MCTP2: variants seen among roughly 807,000 people sequenced by gnomAD.
The protein encoded by MCTP2 is multiple C2 and transmembrane domain containing 2, also known as multiple C2 and transmembrane domain-containing protein 2.
In MCTP2, 132 loss-of-function variants were observed where a neutral mutation model predicts 111.6. The observed-to-expected ratio is 1.18, with a 90% CI of 1.03 to 1.37. The LOEUF is 1.37. Ranked by LOEUF, MCTP2 falls within the 40% of genes most tolerant of loss-of-function variation. The probability of loss-of-function intolerance (pLI) is 0.00; values close to 1 mark genes in which losing one functional copy is unlikely to be tolerated. For synonymous variants in MCTP2, 395 were observed against 387.7 expected, an observed-to-expected ratio of 1.02 and a Z score of -0.22; for missense variants, 1,183 against 1,067.9, an observed-to-expected ratio of 1.11 and a Z score of -1.50.
intron 1 of MCTP2, among the ~76,000 whole-genome samples, chr15:94,291,238 T>C (rs892215990): frequency 3.9e-5 from 6 of 152,188 alleles, no homozygotes; most frequent in African/African-American, 1.4e-4. Flanking sequence ...AATCTTCAGA[T>C]ACTTAGAAAT....
Position 94,310,022 on chromosome 15 carries a change from T to G in MCTP2, c.466-4260T>G, listed in dbSNP as rs1230391150. ...TTATTAGCTTTGACAATATTTAAAA[T>G]TATTTCTCTTCCTGAGTATGTACTT... On this transcript the variant is annotated intron_variant, in intron 2 of 22. Transcript: ENST00000357742. 4.6e-5 allele frequency among the ~76,000 whole-genome samples: 7 copies of G among 152,336 alleles called. 1 individual carries two copies. The highest frequency in any genetic ancestry group is 4.6e-4 in the Admixed American group (7 of 15,302).
chr15:94,460,124 C>CAATTAGAATTCAGTAGCATTAGTGGT (rs2085091031), intron 20 of MCTP2, among the ~76,000 whole-genome samples: 1 of 152,092 alleles, frequency 6.6e-6, no homozygotes, highest in Non-Finnish European at 1.5e-5. Flanking sequence ...GAGTAATAGC[C>CAATTAGAATTCAGTAGCATTAGTGGT]AATTAGAATT....
At chr15:94,425,387 A>G (rs1401819660) in intron 17 of MCTP2, among the ~76,000 whole-genome samples, 1 of 152,102 alleles carries the variant, frequency 6.6e-6, no homozygotes, top group Non-Finnish European at 1.5e-5. Flanking sequence ...TTGGTAAGAG[A>G]GCTCGGCTCT....
intron 1 of MCTP2, among the ~76,000 whole-genome samples, chr15:94,297,641 G>A (rs1327996143): frequency 6.6e-6 from 1 of 152,158 alleles, no homozygotes; most frequent in African/African-American, 2.4e-5. Context: ...GGTTTGCAAA[G>A]TTTTATTACA....
intron 1 of MCTP2, among the ~76,000 whole-genome samples, chr15:94,285,233 C>G (rs1395512549): frequency 6.6e-6 from 1 of 152,168 alleles, no homozygotes; most frequent in Non-Finnish European, 1.5e-5. Flanking sequence ...TGTTTTCCAC[C>G]AGGGAAGTTC....
intron 17 of MCTP2, among the ~76,000 whole-genome samples, chr15:94,437,141 C>A (rs2152506962): frequency 9.6e-6 from 1 of 104,406 alleles, no homozygotes; most frequent in African/African-American, 3.7e-5. Flanking sequence ...TCAAAAATTT[C>A]ACACTTACAC....
intron 12 of MCTP2, among the ~76,000 whole-genome samples, chr15:94,372,301 A>G (rs2079531623): frequency 2.0e-5 from 3 of 152,202 alleles, no homozygotes; most frequent in Admixed American, 2.0e-4. Flanking sequence ...TTTAGACCAT[A>G]ATGGTCTTCG....
chr15:94,346,823 A>G (rs1235821222), intron 8 of MCTP2, among the ~76,000 whole-genome samples: 1 of 152,068 alleles, frequency 6.6e-6, no homozygotes, highest in African/African-American at 2.4e-5. Flanking sequence ...GAAGTTATCA[A>G]AAATATGAAG....
At chr15:94,350,660 C>G (rs952042164) in intron 8 of MCTP2, among the ~76,000 whole-genome samples, 1 of 152,186 alleles carries the variant, frequency 6.6e-6, no homozygotes, top group Non-Finnish European at 1.5e-5. Context: ...TCACACTACT[C>G]CCAGCCCTCG....
intron 7 of MCTP2, chr15:94,342,716 C>A (rs1273812647): frequency 6.6e-6 from 1 of 150,820 alleles, no homozygotes; most frequent in Non-Finnish European, 1.5e-5. Flanking sequence ...ACATATATAT[C>A]TCTATATATG....
At chr15:94,386,504 T>C (rs1304036453) in intron 14 of MCTP2, among the ~76,000 whole-genome samples, 1 of 152,240 alleles carries the variant, frequency 6.6e-6, no homozygotes, top group African/African-American at 2.4e-5. Context: ...CCCCGAGTTC[T>C]CATATCCCTG....
intron 1 of MCTP2, among the ~76,000 whole-genome samples, chr15:94,245,103 T>C (rs1350772996): frequency 6.8e-6 from 1 of 146,772 alleles, no homozygotes; most frequent in Non-Finnish European, 1.5e-5. Context: ...TATGTACCTA[T>C]GTTTATATAT....
intron 17 of MCTP2, among the ~76,000 whole-genome samples, chr15:94,408,856 TG>T (rs2082022377): frequency 6.6e-6 from 1 of 152,214 alleles, no homozygotes; most frequent in Admixed American, 6.5e-5. Context: ...TCACATAGCC[TG>T]GTAGATGTAA....
chr15:94,272,130 G>A (rs2073936647), intron 1 of MCTP2, among the ~76,000 whole-genome samples: 1 of 152,192 alleles, frequency 6.6e-6, no homozygotes, highest in Non-Finnish European at 1.5e-5. Context: ...CATCTGTGTG[G>A]TTTAATCTAG....
chr15:94,283,986 T>C (rs80240014), intron 1 of MCTP2, among the ~76,000 whole-genome samples: 2,317 of 152,310 alleles, frequency 0.015, 46 homozygotes, highest in African/African-American at 0.051. Flanking sequence ...ATATATAGCT[T>C]GCAATTATAG....
chr15:94,384,208 T>TAAAA, intron 13 of MCTP2, 84 bp downstream of exon 13: 1 of 842,350 alleles, frequency 1.2e-6, no homozygotes, highest in Non-Finnish European at 1.9e-6. Context: ...TGTCCATTTT[T>TAAAA]ATGGGCAAAG....
At chr15:94,356,473 G>A (rs74597034) in intron 9 of MCTP2, among the ~76,000 whole-genome samples, 172 bp downstream of exon 9, 2,284 of 152,266 alleles carry the variant, frequency 0.015, 60 homozygotes, top group African/African-American at 0.052. Context: ...ATTAATGTGG[G>A]TATTGTTTTA....
At chr15:94,415,259 G>A (rs2082321395) in intron 17 of MCTP2, among the ~76,000 whole-genome samples, 1 of 152,016 alleles carries the variant, frequency 6.6e-6, no homozygotes, top group African/African-American at 2.4e-5. Context: ...GTCAATTTTT[G>A]TCTTCTGCCT....
intron 4 of MCTP2, among the ~76,000 whole-genome samples, chr15:94,333,359 A>G (rs1362948606): frequency 6.6e-6 from 1 of 152,216 alleles, no homozygotes; most frequent in Non-Finnish European, 1.5e-5. Flanking sequence ...TTTGAAGTAC[A>G]TATCAGCTTA....
Sources: gnomAD v4.1 joint callset for allele counts (sites outside exome capture counted in the v4.1 genomes callset) on GRCh38, gnomAD v4.1.1 for gene constraint, MANE v1.5 for transcripts, NCBI Gene and HGNC (gene_info 2026-07-23, HGNC 2026-07-21) for gene names.